Variants in DGKI observed in about 807,000 individuals in gnomAD.
The protein encoded by DGKI is diacylglycerol kinase iota, also known as DAG kinase iota.
In DGKI, 55 loss-of-function variants were observed where a neutral mutation model predicts 147.5. The observed-to-expected ratio is 0.37, with a 90% CI of 0.30 to 0.47. The LOEUF (loss-of-function observed/expected upper bound fraction) is 0.47. Ranked by LOEUF, DGKI falls within the 20% of genes least tolerant of loss-of-function variation. DGKI has a pLI of 1.00. For synonymous variants in DGKI, 469 were observed against 477.1 expected, an observed-to-expected ratio of 0.98 and a Z score of 0.22; for missense variants, 1,007 against 1,323.8, an observed-to-expected ratio of 0.76 and a Z score of 3.71.
At position 137,846,446 on chromosome 7, in the gene DGKI, G is replaced by T. The variant is rs754971311; in HGVS notation, c.401+16C>A. ...CCGCGGCGCACCTGTCTCGGCTGCCGGCTCCCCGCACCTACCTGTACGAGA... is the reference window on the plus strand; with the variant it reads ...CCGCGGCGCACCTGTCTCGGCTGCCTGCTCCCCGCACCTACCTGTACGAGA... On this transcript the variant is annotated intron_variant, in intron 1 of 32. Coordinates refer to ENST00000614521, the MANE Select transcript of DGKI (RefSeq NM_001321708.2). This position sits in a 1 kb window ranked among gnomAD's most constrained non-coding sequence, Gnocchi z 4.0. 2 of 1,570,936 alleles carry T rather than the reference G, an allele frequency of 1.3e-6. No individual in the cohort carries two copies. The highest frequency in any genetic ancestry group is 1.7e-6 in the Non-Finnish European group (2 of 1,156,110).
At chr7:137,785,931 A>G (rs1191937964) in intron 1 of DGKI, among the ~76,000 whole-genome samples, 1 of 152,162 alleles carries the variant, frequency 6.6e-6, no homozygotes, top group African/African-American at 2.4e-5. Context: ...TCACTTTATG[A>G]TTAAAACCCT....
At chr7:137,831,431 G>T (rs1409047462) in intron 1 of DGKI, among the ~76,000 whole-genome samples, 1 of 152,188 alleles carries the variant, frequency 6.6e-6, no homozygotes, top group Non-Finnish European at 1.5e-5. Context: ...CGGCAAGGAG[G>T]AACTAGTCAC....
chr7:137,659,858 G>A (rs1405092693), intron 3 of DGKI, among the ~76,000 whole-genome samples: 2 of 152,152 alleles, frequency 1.3e-5, no homozygotes, highest in Admixed American at 6.5e-5. Flanking sequence ...GCGTGAACCC[G>A]GGAGGCAGAG....
At chr7:137,562,929 C>G (rs868862828) in intron 19 of DGKI, among the ~76,000 whole-genome samples, 1 of 151,974 alleles carries the variant, frequency 6.6e-6, no homozygotes, top group Non-Finnish European at 1.5e-5. Context: ...CCAGTAGAAC[C>G]TTTATATCAA....
At chr7:137,834,423 A>T (rs1252318717) in intron 1 of DGKI, among the ~76,000 whole-genome samples, 1 of 152,236 alleles carries the variant, frequency 6.6e-6, no homozygotes, top group South Asian at 2.1e-4. Flanking sequence ...AACCAACCAT[A>T]CTAATGAACC....
chr7:137,751,401 G>C (rs534600039), intron 1 of DGKI, among the ~76,000 whole-genome samples: 1 of 152,212 alleles, frequency 6.6e-6, no homozygotes, highest in Non-Finnish European at 1.5e-5. Flanking sequence ...CATTCACCGA[G>C]TACCTCTCAT....
At chr7:137,644,903 C>G (rs974380687) in intron 6 of DGKI, among the ~76,000 whole-genome samples, 4 of 152,188 alleles carry the variant, frequency 2.6e-5, no homozygotes, top group Admixed American at 6.5e-5. Flanking sequence ...AACACCCCCA[C>G]CCCTTGCTCC....
chr7:137,541,227 CTG>C (rs764675384), intron 20 of DGKI, among the ~76,000 whole-genome samples: 27 of 152,306 alleles, frequency 1.8e-4, no homozygotes, highest in Non-Finnish European at 3.8e-4. Flanking sequence ...TACACTGGAT[CTG>C]TGTGTCTGTG....
intron 32 of DGKI, among the ~76,000 whole-genome samples, chr7:137,391,657 T>TG (rs953808232): frequency 2.0e-5 from 3 of 152,208 alleles, no homozygotes; most frequent in African/African-American, 7.2e-5. Context: ...AAGGAAACAG[T>TG]GGGGTAAAGC....
chr7:137,602,978 T>C (rs1466454736), intron 10 of DGKI, among the ~76,000 whole-genome samples: 1 of 151,912 alleles, frequency 6.6e-6, no homozygotes, highest in East Asian at 1.9e-4. Context: ...CTTTTTTAGA[T>C]ATTATAAGAA....
At chr7:137,510,682 C>T (rs983807057) in intron 21 of DGKI, among the ~76,000 whole-genome samples, 1 of 152,210 alleles carries the variant, frequency 6.6e-6, no homozygotes, top group African/African-American at 2.4e-5. Flanking sequence ...GTCTGTTACA[C>T]TGCAGGGTGA....
chr7:137,774,338 G>C (rs1007625496), intron 1 of DGKI, among the ~76,000 whole-genome samples: 2 of 152,008 alleles, frequency 1.3e-5, no homozygotes, highest in African/African-American at 4.8e-5. Flanking sequence ...AGGTCAAAGA[G>C]AGATTTTCTT....
intron 12 of DGKI, among the ~76,000 whole-genome samples, chr7:137,588,392 A>G (rs186273571): frequency 2.4e-3 from 358 of 152,164 alleles, no homozygotes; most frequent in Non-Finnish European, 2.1e-3. Context: ...AAATAAAGAG[A>G]TAAATGAGCT....
intron 5 of DGKI, among the ~76,000 whole-genome samples, chr7:137,652,419 C>T (rs987328123): frequency 1.3e-5 from 2 of 152,196 alleles, no homozygotes; most frequent in African/African-American, 4.8e-5. Context: ...GGGCAGGAAG[C>T]TAAAGGTGGG....
At chr7:137,442,960 G>A (rs979629677) in intron 28 of DGKI, among the ~76,000 whole-genome samples, 3 of 152,268 alleles carry the variant, frequency 2.0e-5, no homozygotes, top group Non-Finnish European at 4.4e-5. Context: ...GATGAGGTGA[G>A]GTGCATAGAA....
intron 20 of DGKI, chr7:137,545,912 C>A (rs1345944213): frequency 2.8e-6 from 2 of 702,436 alleles, no homozygotes; most frequent in Admixed American, 4.0e-5. Flanking sequence ...GGTGAAGGAG[C>A]CGGGGGGAGC....
intron 21 of DGKI, among the ~76,000 whole-genome samples, chr7:137,489,061 G>A (rs1815669299): frequency 6.6e-6 from 1 of 152,098 alleles, no homozygotes; most frequent in African/African-American, 2.4e-5. Context: ...CTGCTAGGGA[G>A]ACCTAATCAA....
chr7:137,670,788 G>C (rs1055007956), intron 3 of DGKI, among the ~76,000 whole-genome samples: 18 of 152,156 alleles, frequency 1.2e-4, no homozygotes, highest in African/African-American at 4.1e-4. Context: ...CCTGCACCCA[G>C]CTCAGCCAAA....
intron 1 of DGKI, among the ~76,000 whole-genome samples, chr7:137,691,976 C>A (rs1823630992): frequency 6.6e-6 from 1 of 151,962 alleles, no homozygotes; most frequent in East Asian, 1.9e-4. Context: ...CCGAAAGGGT[C>A]ATTATGAAGA....
Sources: gnomAD v4.1 joint callset for allele counts (sites outside exome capture counted in the v4.1 genomes callset) on GRCh38, gnomAD v4.1.1 for gene constraint, Gnocchi (gnomAD v3.1) non-coding constraint, MANE v1.5 for transcripts, NCBI Gene and HGNC (gene_info 2026-07-23, HGNC 2026-07-21) for gene names.